Variants in AMPH observed in about 807,000 individuals in gnomAD.
AMPH encodes amphiphysin.
AMPH carries 49 observed loss-of-function variants against 99.1 expected under a neutral mutation model. The observed-to-expected ratio is 0.49, with a 90% CI of 0.39 to 0.63. The LOEUF is 0.63. AMPH is among the 20% of genes least tolerant of loss of function. The pLI is 0.00. For missense variants in AMPH, 759 were observed against 863.4 expected, an observed-to-expected ratio of 0.88 and a Z score of 1.52; for synonymous variants, 314 against 317.3, an observed-to-expected ratio of 0.99 and a Z score of 0.11.
intron 11 of AMPH, among the ~76,000 whole-genome samples, chr7:38,441,716 T>C (rs1373221883): frequency 6.8e-6 from 1 of 147,096 alleles, no homozygotes; most frequent in East Asian, 2.0e-4. Context: ...AATGAAGGCC[T>C]GGATAAAGAA....
intron 9 of AMPH, 122 bp from the exon 10 acceptor site, chr7:38,463,235 C>T: frequency 7.4e-7 from 1 of 1,355,034 alleles, no homozygotes; most frequent in Non-Finnish European, 1.0e-6. Flanking sequence ...CCTGCTCTCC[C>T]CTTCCAGGTT....
intron 1 of AMPH, among the ~76,000 whole-genome samples, chr7:38,598,278 T>C (rs1793131200): frequency 6.6e-6 from 1 of 151,854 alleles, no homozygotes; most frequent in Non-Finnish European, 1.5e-5. Context: ...TCTTTTGTTG[T>C]TGTTGTTGTT....
chr7:38,614,131 A>C (rs566084145), intron 1 of AMPH, among the ~76,000 whole-genome samples: 78 of 152,308 alleles, frequency 5.1e-4, no homozygotes, highest in African/African-American at 1.8e-3. Flanking sequence ...CACTGATGAG[A>C]GCTTAGCCAC....
intron 20 of AMPH, 22 bp downstream of exon 20, chr7:38,389,782 A>G: frequency 2.5e-6 from 4 of 1,576,472 alleles, no homozygotes; most frequent in Non-Finnish European, 3.5e-6. Flanking sequence ...AGCCCAAAGC[A>G]TCTTCCTATC....
chr7:38,620,732 TAA>T (rs1794031629), intron 1 of AMPH, among the ~76,000 whole-genome samples: 1 of 152,124 alleles, frequency 6.6e-6, no homozygotes, highest in South Asian at 2.1e-4. Flanking sequence ...TGGTTTAAAA[TAA>T]GAGACCCTTC....
chr7:38,558,622 A>G (rs1791450134), intron 1 of AMPH, among the ~76,000 whole-genome samples: 1 of 152,226 alleles, frequency 6.6e-6, no homozygotes, highest in South Asian at 2.1e-4. Context: ...TGGTTAAGAA[A>G]GACATAAAGC....
At chr7:38,568,610 T>C (rs1007544134) in intron 1 of AMPH, among the ~76,000 whole-genome samples, 2 of 152,248 alleles carry the variant, frequency 1.3e-5, no homozygotes, top group Admixed American at 1.3e-4. Flanking sequence ...ACTATGACTA[T>C]ACTAATTATT....
intron 20 of AMPH, among the ~76,000 whole-genome samples, chr7:38,385,661 T>C (rs1745016959): frequency 6.6e-6 from 1 of 152,184 alleles, no homozygotes; most frequent in South Asian, 2.1e-4. Flanking sequence ...TCATAAACAT[T>C]TGTCTGTCAT....
chr7:38,409,858 C>T (rs1302432961), intron 17 of AMPH, among the ~76,000 whole-genome samples: 2 of 152,116 alleles, frequency 1.3e-5, no homozygotes, highest in African/African-American at 2.4e-5. Context: ...TCAGTATATC[C>T]AATAATAATA....
At chr7:38,514,803 T>G (rs1007831356) in intron 2 of AMPH, among the ~76,000 whole-genome samples, 2 of 152,206 alleles carry the variant, frequency 1.3e-5, no homozygotes, top group African/African-American at 4.8e-5. Context: ...ACCTGGTCAG[T>G]GGTATTCTAT....
chr7:38,514,427 A>C (rs966410478), intron 2 of AMPH, among the ~76,000 whole-genome samples: 3 of 152,252 alleles, frequency 2.0e-5, no homozygotes, highest in African/African-American at 7.2e-5. Flanking sequence ...TTCAACATTA[A>C]AGAACTCCTG....
chr7:38,476,132 G>A (rs545236303), intron 6 of AMPH, among the ~76,000 whole-genome samples: 2 of 152,288 alleles, frequency 1.3e-5, no homozygotes, highest in East Asian at 3.9e-4. Flanking sequence ...TCTGGCTCAT[G>A]GTATGTTTAT....
chr7:38,571,147 T>TTATGTATATATTTATATATATTTTTATA (rs1390388277), intron 1 of AMPH, among the ~76,000 whole-genome samples: 4 of 63,658 alleles, frequency 6.3e-5, no homozygotes, highest in Non-Finnish European at 1.2e-4. Context: ...TTTTATATAT[T>TTATGTATATATTTATATATATTTTTATA]TATGAATATA....
At chr7:38,509,382 C>T (rs759730960) in intron 2 of AMPH, among the ~76,000 whole-genome samples, 5 of 152,274 alleles carry the variant, frequency 3.3e-5, no homozygotes, top group South Asian at 2.1e-4. Context: ...GGAATATCTA[C>T]GATCTGAAGA....
intron 1 of AMPH, among the ~76,000 whole-genome samples, chr7:38,585,411 A>G (rs1340382464): frequency 1.3e-5 from 2 of 152,150 alleles, no homozygotes; most frequent in African/African-American, 4.8e-5. Flanking sequence ...GTGGAGATGC[A>G]TAAACTCTGC....
chr7:38,483,584 T>TG (rs1223783569), intron 5 of AMPH, among the ~76,000 whole-genome samples: 4 of 151,838 alleles, frequency 2.6e-5, no homozygotes, highest in Non-Finnish European at 5.9e-5. Flanking sequence ...GCCTAGGGGG[T>TG]GCTAAGAACA....
At chr7:38,441,218 A>T (rs556978153) in intron 11 of AMPH, among the ~76,000 whole-genome samples, 1 of 152,286 alleles carries the variant, frequency 6.6e-6, no homozygotes, top group East Asian at 1.9e-4. Context: ...GAGAGCTTCA[A>T]CATAAAGCAA....
intron 6 of AMPH, 105 bp downstream of exon 6, chr7:38,476,757 A>C: frequency 8.2e-6 from 6 of 733,732 alleles, no homozygotes; most frequent in Non-Finnish European, 1.1e-5. Context: ...AATTCTGTTC[A>C]GATTCCAATC....
rs376969284 is a variant in AMPH, at chr7:38,462,983, G to A, written c.880C>T (p.Pro294Ser). 3.0e-5 allele frequency: 47 copies of A among 1,573,884 alleles called. No individual in the cohort carries two copies. In the East Asian group the frequency reaches 3.1e-4, roughly 11 times the overall value. The change falls in exon 10 of 21, where the codon CCT becomes TCT. Residue 294 changes from proline (P) to serine (S), a missense_variant. By Grantham distance (74) the Pro-to-Ser change is moderately conservative. Around this residue, in one of 2 missense-constraint regions of AMPH, gnomAD observed 554 missense variants for 575.6 expected, o/e 0.96. Transcript: ENST00000356264. ...ASPAPARPRS[P>S]SQTRKGPPVP... ...ATTTGACCTCTTCCTACCTGTGAAG[G>A]TGACCGAGGCCGTGCTGGTGCGGGA...
Sources: allele counts gnomAD v4.1 joint callset (sites outside exome capture counted in the v4.1 genomes callset), GRCh38; gene constraint gnomAD v4.1.1; regional missense constraint gnomAD v4.1.1; transcripts MANE v1.5; gene names NCBI Gene and HGNC (gene_info 2026-07-23, HGNC 2026-07-21).